Variants in SLC9A9 observed in about 807,000 individuals in gnomAD.
SLC9A9 encodes the protein solute carrier family 9 member A9.
In SLC9A9, 62 loss-of-function variants were observed where a neutral mutation model predicts 77.8. The ratio of observed to expected loss-of-function variants is 0.80; its 90% CI spans 0.65 to 0.98. SLC9A9 has a LOEUF of 0.98. Among genes scored for constraint, SLC9A9 ranks in the 50% least tolerant of loss-of-function variants. The probability of loss-of-function intolerance (pLI) is 0.00; values close to 1 mark genes in which losing one functional copy is unlikely to be tolerated. For synonymous variants in SLC9A9, 320 were observed against 283.5 expected (o/e 1.13, Z -1.29); for missense variants, 775 against 774.9 (o/e 1.00, Z 0.00).
chr3:143,778,838 C>T (rs1331223548), intron 4 of SLC9A9, among the ~76,000 whole-genome samples: 1 of 152,182 alleles, frequency 6.6e-6, no homozygotes, highest in East Asian at 1.9e-4. Flanking sequence ...AGAGACCCAG[C>T]TCCTGAAAAG....
chr3:143,446,774 G>A (rs1363911960), intron 12 of SLC9A9, among the ~76,000 whole-genome samples: 2 of 152,174 alleles, frequency 1.3e-5, no homozygotes, highest in Non-Finnish European at 2.9e-5. Flanking sequence ...CAGGAGAGAT[G>A]ACTGACTCTT....
chr3:143,435,569 G>A (rs1407750329), intron 12 of SLC9A9, among the ~76,000 whole-genome samples: 1 of 152,206 alleles, frequency 6.6e-6, no homozygotes, highest in African/African-American at 2.4e-5. Context: ...AAAAGTGGGA[G>A]CAAGGAAAAA....
intron 13 of SLC9A9, among the ~76,000 whole-genome samples, chr3:143,370,310 A>G (rs900238322): frequency 3.3e-5 from 5 of 152,178 alleles, no homozygotes; most frequent in Non-Finnish European, 5.9e-5. Context: ...CATAAAAGTA[A>G]CATTTGTGGT....
At chr3:143,804,680 C>T (rs970191538) in intron 2 of SLC9A9, among the ~76,000 whole-genome samples, 2 of 152,168 alleles carry the variant, frequency 1.3e-5, no homozygotes, top group African/African-American at 4.8e-5. Context: ...GCAAATGGGA[C>T]CAAAGAGCTC....
At chr3:143,713,900 T>C (rs952053194) in intron 4 of SLC9A9, among the ~76,000 whole-genome samples, 1 of 152,234 alleles carries the variant, frequency 6.6e-6, no homozygotes, top group Non-Finnish European at 1.5e-5. Context: ...CAATATTTTC[T>C]AGCATTTAGT....
chr3:143,269,542 T>G (rs955544408), intron 14 of SLC9A9, among the ~76,000 whole-genome samples: 4 of 152,252 alleles, frequency 2.6e-5, no homozygotes, highest in Non-Finnish European at 1.5e-5. Context: ...GGGTTTATTC[T>G]GTTGTCTAGC....
intron 6 of SLC9A9, among the ~76,000 whole-genome samples, chr3:143,636,059 G>A (rs13076528): frequency 0.16 from 23,735 of 152,106 alleles, 1,833 homozygotes; most frequent in African/African-American, 0.16. Context: ...ATATGTTGTG[G>A]TTTTAGAAGT....
chr3:143,525,476 C>T (rs1298749158), intron 9 of SLC9A9, among the ~76,000 whole-genome samples: 1 of 152,206 alleles, frequency 6.6e-6, no homozygotes, highest in African/African-American at 2.4e-5. Context: ...AGCCTAGTGA[C>T]TGATACTTTC....
At chr3:143,679,699 G>T (rs1027077829) in intron 5 of SLC9A9, among the ~76,000 whole-genome samples, 3 of 152,114 alleles carry the variant, frequency 2.0e-5, no homozygotes, top group African/African-American at 7.2e-5. Context: ...AATACGTATT[G>T]CCAATTCAAT....
At chr3:143,829,377 A>G (rs1486594378) in intron 2 of SLC9A9, among the ~76,000 whole-genome samples, 2 of 152,048 alleles carry the variant, frequency 1.3e-5, no homozygotes, top group Non-Finnish European at 1.5e-5. Flanking sequence ...GCCCTCTTCA[A>G]TTCTTACCTG....
intron 14 of SLC9A9, among the ~76,000 whole-genome samples, chr3:143,301,713 C>T (rs1195431378): frequency 3.9e-5 from 6 of 152,146 alleles, no homozygotes; most frequent in African/African-American, 1.4e-4. Context: ...TTTGCAGCTT[C>T]CCCTAGTGAT....
intron 5 of SLC9A9, among the ~76,000 whole-genome samples, chr3:143,663,781 G>C (rs1183491359): frequency 2.0e-5 from 3 of 152,122 alleles, no homozygotes; most frequent in Non-Finnish European, 4.4e-5. Flanking sequence ...AGAGTAAAAA[G>C]AAATGAACAA....
chr3:143,518,186 AT>A, intron 9 of SLC9A9: 1 of 1,599,036 alleles, frequency 6.3e-7, no homozygotes. Context: ...CTCCTTACAC[AT>A]TTTCACAAAG....
At chr3:143,794,898 A>G (rs1478959529) in intron 4 of SLC9A9, 103 bp downstream of exon 4, 11 of 1,090,950 alleles carry the variant, frequency 1.0e-5, no homozygotes, top group African/African-American at 1.6e-5. Context: ...TACTAAAAAA[A>G]AGACAATTTT....
chr3:143,612,557 G>A (rs77649416), intron 6 of SLC9A9, among the ~76,000 whole-genome samples: 3,463 of 152,314 alleles, frequency 0.023, 134 homozygotes, highest in African/African-American at 0.077. Flanking sequence ...GCAGAGGTAA[G>A]TAATTGCTTC....
At chr3:143,506,842 T>C (rs180964143) in intron 9 of SLC9A9, among the ~76,000 whole-genome samples, 119 of 152,196 alleles carry the variant, frequency 7.8e-4, no homozygotes, top group African/African-American at 2.6e-3. Context: ...TGCCAATAAG[T>C]ACTAACTAAA....
At chr3:143,842,118 C>T (rs576905257) in intron 1 of SLC9A9, among the ~76,000 whole-genome samples, 4 of 152,124 alleles carry the variant, frequency 2.6e-5, no homozygotes, top group Non-Finnish European at 4.4e-5. Flanking sequence ...CGGTGGCTCA[C>T]GCCTGTAATC....
At chr3:143,765,127 CTTTCTTTCTT>C (rs1356359703) in intron 4 of SLC9A9, among the ~76,000 whole-genome samples, 1 of 145,464 alleles carries the variant, frequency 6.9e-6, no homozygotes, top group Admixed American at 7.0e-5. Flanking sequence ...TTCTTTCTCT[CTTTCTTTCTT>C]TTTCTTTCTT....
At chr3:143,278,206 C>T (rs754434987) in intron 14 of SLC9A9, among the ~76,000 whole-genome samples, 16 of 152,172 alleles carry the variant, frequency 1.1e-4, no homozygotes, top group Non-Finnish European at 1.8e-4. Context: ...CCCACAGGTT[C>T]GGATTCTCAG....
Sources: gnomAD v4.1 joint callset for allele counts (sites outside exome capture counted in the v4.1 genomes callset) on GRCh38, gnomAD v4.1.1 for gene constraint, MANE v1.5 for transcripts, NCBI Gene and HGNC (gene_info 2026-07-23, HGNC 2026-07-21) for gene names.